GMDS: variants seen among roughly 807,000 people sequenced by gnomAD.
The protein encoded by GMDS is GDP-mannose 4,6 dehydratase.
A neutral mutation model predicts 49.9 loss-of-function variants in GMDS; 20 were observed. The observed-to-expected ratio is 0.40, with a 90% confidence interval of 0.28 to 0.58. The LOEUF is 0.58. Among genes scored for constraint, GMDS ranks in the 20% least tolerant of loss-of-function variants. GMDS has a pLI of 0.42. For synonymous variants in GMDS, 177 were observed against 178.6 expected (o/e 0.99, Z 0.07); for missense variants, 362 against 481.4 (o/e 0.75, Z 2.32).
Position 2,191,764 on chromosome 6 carries a change from C to A in GMDS, c.102+53557G>T, listed in dbSNP as rs1348089796. ...AGCTTGATGCTGGCCTGCAGGTACC[C>A]CATGGATGAGCAGCCTGGGTACCAC... On this transcript the variant is annotated intron_variant, in intron 1 of 10. Coordinates refer to ENST00000380815, the MANE Select transcript of GMDS (RefSeq NM_001500.4). This position sits in a 1 kb window ranked among gnomAD's most constrained non-coding sequence, Gnocchi z 4.6. 6.6e-6 allele frequency among the ~76,000 whole-genome samples: 1 copy of A among 152,200 alleles called. No homozygotes were observed. The highest frequency in any genetic ancestry group is 2.4e-5 in the African/African-American group (1 of 41,456).
intron 6 of GMDS, among the ~76,000 whole-genome samples, chr6:1,938,965 C>T (rs1438401909): frequency 7.4e-6 from 1 of 135,224 alleles, no homozygotes; most frequent in Non-Finnish European, 1.6e-5. Flanking sequence ...CTCCCCTCCC[C>T]TCCCCTCCCC....
At chr6:1,869,203 T>C (rs1414208643) in intron 7 of GMDS, among the ~76,000 whole-genome samples, 1 of 152,218 alleles carries the variant, frequency 6.6e-6, no homozygotes, top group Non-Finnish European at 1.5e-5. Flanking sequence ...TCTCTGGCAC[T>C]AGGTACATAA....
At chr6:1,821,023 A>G (rs1770864333) in intron 7 of GMDS, among the ~76,000 whole-genome samples, 1 of 152,202 alleles carries the variant, frequency 6.6e-6, no homozygotes, top group Non-Finnish European at 1.5e-5. Context: ...GTTATGGAAC[A>G]TGCTTACAAA....
chr6:2,127,196 C>T (rs927268529), intron 1 of GMDS, among the ~76,000 whole-genome samples: 1 of 152,066 alleles, frequency 6.6e-6, no homozygotes, highest in African/African-American at 2.4e-5. Context: ...ATCAATATCC[C>T]TATAAATCAA....
At chr6:2,157,581 C>T (rs1777170748) in intron 1 of GMDS, among the ~76,000 whole-genome samples, 1 of 152,162 alleles carries the variant, frequency 6.6e-6, no homozygotes, top group African/African-American at 2.4e-5. Context: ...GATGCCAGTG[C>T]TCATCTTGTC....
chr6:1,976,537 A>G (rs1198708745), intron 4 of GMDS, among the ~76,000 whole-genome samples: 1 of 152,190 alleles, frequency 6.6e-6, no homozygotes, highest in Non-Finnish European at 1.5e-5. Flanking sequence ...TCCTCTGTAG[A>G]TGCCTTTTTC....
At chr6:1,914,120 GTTTTTTGTTTGTTTTTTTTTT>G (rs1259767309) in intron 7 of GMDS, among the ~76,000 whole-genome samples, 35 of 110,320 alleles carry the variant, frequency 3.2e-4, no homozygotes, top group African/African-American at 1.3e-3. Context: ...TCATGAAAGC[GTTTTTTGTTTGTTTTTTTTTT>G]TTTTTTTTTT....
chr6:1,653,874 G>A (rs1763791846), intron 9 of GMDS, among the ~76,000 whole-genome samples: 1 of 152,182 alleles, frequency 6.6e-6, no homozygotes, highest in African/African-American at 2.4e-5. Flanking sequence ...ACAGCTTCAT[G>A]ACATTGGGTT....
intron 4 of GMDS, among the ~76,000 whole-genome samples, chr6:1,996,539 G>A (rs1766292076): frequency 6.6e-6 from 1 of 152,198 alleles, no homozygotes; most frequent in East Asian, 1.9e-4. Flanking sequence ...GGAAGGGCTA[G>A]CGTAGTATCC....
chr6:1,666,287 G>T (rs768217329), intron 9 of GMDS, among the ~76,000 whole-genome samples: 2 of 152,096 alleles, frequency 1.3e-5, no homozygotes, highest in Non-Finnish European at 2.9e-5. Flanking sequence ...CTCCTTTTCT[G>T]TGCCGTCTTT....
chr6:2,030,417 G>A (rs1768882442), intron 4 of GMDS, among the ~76,000 whole-genome samples: 1 of 152,154 alleles, frequency 6.6e-6, no homozygotes, highest in Non-Finnish European at 1.5e-5. Flanking sequence ...TTTGTAGGAC[G>A]AGGTTAAGAG....
chr6:1,918,373 T>A (rs1273862275), intron 7 of GMDS, among the ~76,000 whole-genome samples: 10 of 152,214 alleles, frequency 6.6e-5, no homozygotes, highest in African/African-American at 2.2e-4. Flanking sequence ...TAGTGATTTT[T>A]AAATATTATT....
chr6:1,910,013 A>G (rs1465962537), intron 7 of GMDS, among the ~76,000 whole-genome samples: 1 of 152,178 alleles, frequency 6.6e-6, no homozygotes, highest in African/African-American at 2.4e-5. Context: ...TGTACACTGG[A>G]TTTTGAAGAC....
At chr6:1,838,123 G>A (rs1228320245) in intron 7 of GMDS, among the ~76,000 whole-genome samples, 1 of 152,178 alleles carries the variant, frequency 6.6e-6, no homozygotes, top group Non-Finnish European at 1.5e-5. Context: ...TACAGGAAAT[G>A]CTAATAAAAG....
In GMDS at chr6:1,639,620, G is replaced by T. The variant is rs958622516; in HGVS notation, c.988-15080C>A. Among the ~76,000 whole-genome samples, 9 of 152,354 alleles carry T rather than the reference G, an allele frequency of 5.9e-5. No homozygotes were observed. In the East Asian group the frequency reaches 1.2e-3, roughly 20 times the overall value. On this transcript the variant is annotated intron_variant, in intron 9 of 10. Coordinates refer to ENST00000380815, the MANE Select transcript of GMDS (RefSeq NM_001500.4). ...ATCCAAGCTGAGGCCGGGCACGGTG[G>T]CTCATGCCTGTAATCCCAGCACCTG...
intron 9 of GMDS, among the ~76,000 whole-genome samples, chr6:1,718,786 C>CAT (rs989170081): frequency 3.4e-5 from 5 of 148,632 alleles, no homozygotes; most frequent in Admixed American, 1.4e-4. Context: ...ATATATATTT[C>CAT]ATATATATAT....
At chr6:1,929,037 C>G (rs998897332) in intron 7 of GMDS, among the ~76,000 whole-genome samples, 1 of 152,002 alleles carries the variant, frequency 6.6e-6, no homozygotes, top group African/African-American at 2.4e-5. Context: ...AATCTAAAGT[C>G]AAAGCTAATT....
At chr6:2,100,172 T>C (rs547455869) in intron 4 of GMDS, among the ~76,000 whole-genome samples, 18 of 152,216 alleles carry the variant, frequency 1.2e-4, no homozygotes, top group Admixed American at 5.2e-4. Flanking sequence ...AAGTACCCTG[T>C]GCTAGTTAGA....
At chr6:1,921,662 A>G (rs897161718) in intron 7 of GMDS, among the ~76,000 whole-genome samples, 14 of 152,214 alleles carry the variant, frequency 9.2e-5, no homozygotes, top group African/African-American at 3.1e-4. Context: ...GGAAACTGTT[A>G]CAAGCTTTTC....
Sources: gnomAD v4.1 joint callset for allele counts (sites outside exome capture counted in the v4.1 genomes callset) on GRCh38, gnomAD v4.1.1 for gene constraint, Gnocchi (gnomAD v3.1) non-coding constraint, MANE v1.5 for transcripts, NCBI Gene and HGNC (gene_info 2026-07-23, HGNC 2026-07-21) for gene names.